Variants in TMEM123 observed in about 807,000 individuals in gnomAD.
TMEM123 encodes the protein transmembrane protein 123.
Under a neutral mutation model 19.7 loss-of-function variants are expected in TMEM123, and 16 were observed. The observed-to-expected ratio is 0.81, with a 90% CI of 0.55 to 1.23. The LOEUF (loss-of-function observed/expected upper bound fraction) is 1.23, where lower values mean the gene tolerates loss of function less well. Ranked by LOEUF, TMEM123 falls within the 50% of genes most tolerant of loss-of-function variation. The probability of loss-of-function intolerance (pLI) is 0.00; values close to 1 mark genes in which losing one functional copy is unlikely to be tolerated. For missense variants in TMEM123, 313 were observed against 257.8 expected, an observed-to-expected ratio of 1.21 and a Z score of -1.47; for synonymous variants, 118 against 99.4, an observed-to-expected ratio of 1.19 and a Z score of -1.12.
chr11:102,438,831 T>C (rs535214962), intron 2 of TMEM123, among the ~76,000 whole-genome samples: 7 of 152,174 alleles, frequency 4.6e-5, no homozygotes, highest in Non-Finnish European at 8.8e-5. Context: ...GGAATCCCCT[T>C]TCCTAGCAAA....
At chr11:102,410,819 G>A (rs1434319142) in intron 2 of TMEM123, among the ~76,000 whole-genome samples, 2 of 152,058 alleles carry the variant, frequency 1.3e-5, no homozygotes. Flanking sequence ...GGACAAGAAG[G>A]AAACAACACA....
Position 102,439,552 on chromosome 11 carries a change from T to C in TMEM123, c.157+9260A>G, listed in dbSNP as rs371536445. On this transcript the variant is annotated intron_variant, in intron 2 of 4. Transcript: ENST00000398136. ...CCAAAACCCCATCTGTACGTCACCA[T>C]CATCAAAGACCAAAGGTAGATAAAA... Among the ~76,000 whole-genome samples, 184 of 152,234 alleles carry C rather than the reference T, an allele frequency of 1.2e-3. 1 individual carries two copies. Among genetic ancestry groups the C allele is most frequent in the African/African-American group, 4.1e-3 (172 of 41,536 alleles).
intron 1 of TMEM123, 95 bp downstream of exon 1, chr11:102,452,429 C>G (rs2436036): frequency 5.5e-6 from 6 of 1,099,164 alleles, no homozygotes; most frequent in Admixed American, 7.0e-5. Context: ...CAGACACACG[C>G]GGAACTTTCT....
intron 2 of TMEM123, among the ~76,000 whole-genome samples, chr11:102,433,102 A>G (rs959076357): frequency 2.0e-5 from 3 of 151,998 alleles, no homozygotes; most frequent in Admixed American, 6.6e-5. Flanking sequence ...GCCCTCACAC[A>G]GGGTCCCCAC....
rs1218798643 is a variant in TMEM123, at chr11:102,452,703, G to A, written c.-80C>T. The A allele has an allele frequency of 6.1e-6, 7 of 1,155,272 alleles. No homozygotes were observed. Among genetic ancestry groups the A allele is most frequent in the East Asian group, 3.2e-5 (1 of 31,356 alleles). The allele number at this position is 1,155,272 out of a possible 1,614,324, so 71.6% of individuals were successfully genotyped here. A position where few individuals can be genotyped will look rare whatever the true frequency, so the allele number is the denominator to read the frequency against. On this transcript the variant is annotated 5_prime_UTR_variant, in exon 1 of 5. Coordinates refer to ENST00000398136, the MANE Select transcript of TMEM123 (RefSeq NM_052932.3). ...GCGAGAGCGGCTCCTCTGCGCAGCC[G>A]GCGCCGGCTCCGCTTCCCCTTCGGC...
intron 2 of TMEM123, among the ~76,000 whole-genome samples, chr11:102,443,993 G>A (rs942980998): frequency 2.0e-5 from 3 of 152,124 alleles, no homozygotes; most frequent in Admixed American, 6.5e-5. Flanking sequence ...AAACCACAAC[G>A]AGATACCATC....
At chr11:102,426,123 A>G (rs1442794088) in intron 2 of TMEM123, among the ~76,000 whole-genome samples, 3 of 152,234 alleles carry the variant, frequency 2.0e-5, no homozygotes. Flanking sequence ...CTATAATGAA[A>G]TATCAGTCTT....
At chr11:102,436,516 T>G (rs1257892728) in intron 2 of TMEM123, among the ~76,000 whole-genome samples, 1 of 151,942 alleles carries the variant, frequency 6.6e-6, no homozygotes, top group Non-Finnish European at 1.5e-5. Flanking sequence ...GACTGGTGCA[T>G]GAATTACTTC....
intron 2 of TMEM123, among the ~76,000 whole-genome samples, chr11:102,409,302 A>G (rs1430367253): frequency 6.6e-6 from 1 of 152,184 alleles, no homozygotes; most frequent in Non-Finnish European, 1.5e-5. Flanking sequence ...CTGCAGCTTG[A>G]GTAAATTTAA....
intron 2 of TMEM123, among the ~76,000 whole-genome samples, chr11:102,444,509 C>A (rs1591568010): frequency 6.9e-6 from 1 of 145,522 alleles, no homozygotes; most frequent in Non-Finnish European, 1.5e-5. Context: ...CACTTGAACA[C>A]AGGGTGGGGA....
intron 2 of TMEM123, among the ~76,000 whole-genome samples, chr11:102,423,055 T>A (rs1464638061): frequency 6.6e-6 from 1 of 152,190 alleles, no homozygotes; most frequent in African/African-American, 2.4e-5. Context: ...AAATCCTAGC[T>A]CAAGCTGCTA....
intron 1 of TMEM123, 21 bp downstream of exon 1, chr11:102,452,503 A>G (rs1182576170): frequency 6.7e-7 from 1 of 1,496,182 alleles, no homozygotes. Flanking sequence ...AACGGGGCTG[A>G]CGACCCCCGC....
At chr11:102,410,775 G>A (rs569294118) in intron 2 of TMEM123, among the ~76,000 whole-genome samples, 137 of 152,146 alleles carry the variant, frequency 9.0e-4, no homozygotes, top group Admixed American at 3.5e-3. Context: ...CAGAAGAGAC[G>A]TGATCCTTAT....
chr11:102,449,658 T>G (rs931408231), intron 1 of TMEM123, among the ~76,000 whole-genome samples: 2 of 152,234 alleles, frequency 1.3e-5, no homozygotes, highest in Admixed American at 6.5e-5. Flanking sequence ...TTGATGGGAC[T>G]ATCATCTATT....
chr11:102,401,813 C>T (rs1367530683), intron 3 of TMEM123, 103 bp downstream of exon 3: 25 of 1,494,488 alleles, frequency 1.7e-5, no homozygotes, highest in Non-Finnish European at 2.2e-5. Flanking sequence ...GAAATCTAGG[C>T]ATATAAAGTT....
In TMEM123 at chr11:102,398,779, A is replaced by C. The variant is rs964533387; in HGVS notation, c.*88T>G. On this transcript the variant is annotated 3_prime_UTR_variant, in exon 5 of 5. Coordinates refer to ENST00000398136, the MANE Select transcript of TMEM123 (RefSeq NM_052932.3). Reference sequence around the variant, plus strand: ...TGGCCTGTTTATACTATTTTCAAAAAGAGAATATTGTTTTAAACTATTAAT... The same window carrying C: ...TGGCCTGTTTATACTATTTTCAAAACGAGAATATTGTTTTAAACTATTAAT... The C allele has an allele frequency of 1.3e-5, 17 of 1,347,256 alleles. No homozygotes were observed. Among genetic ancestry groups the C allele is most frequent in the Non-Finnish European group, 1.7e-5 (16 of 953,980 alleles). The allele number at this position is 1,347,256 out of a possible 1,614,324, so 83.5% of individuals were successfully genotyped here.
At position 102,426,868 on chromosome 11, in the gene TMEM123, C is replaced by A. The variant is rs1032538537; in HGVS notation, c.157+21944G>T. ...ATGTTTTTAAAGTAGTTCCCCCCCC[C>A]CCCCCATTTATTGCTCAAAATCCAC... On this transcript the variant is annotated intron_variant, in intron 2 of 4. Coordinates refer to ENST00000398136, the MANE Select transcript of TMEM123 (RefSeq NM_052932.3). Among the ~76,000 whole-genome samples, 2 of 80,600 alleles carry A rather than the reference C, an allele frequency of 2.5e-5. 1 individual carries two copies. Among genetic ancestry groups the A allele is most frequent in the African/African-American group, 9.2e-5 (2 of 21,674 alleles). The allele number at this position is 80,600 out of a possible 152,430, so 52.9% of individuals were successfully genotyped here. A position where few individuals can be genotyped will look rare whatever the true frequency, so the allele number is the denominator to read the frequency against.
intron 2 of TMEM123, among the ~76,000 whole-genome samples, chr11:102,413,430 A>G (rs1321887096): frequency 6.6e-6 from 1 of 152,298 alleles, no homozygotes; most frequent in East Asian, 1.9e-4. Flanking sequence ...GCACATACAC[A>G]TGGACCCTGC....
intron 2 of TMEM123, among the ~76,000 whole-genome samples, chr11:102,440,017 C>T (rs1197504208): frequency 2.6e-5 from 4 of 152,048 alleles, no homozygotes; most frequent in African/African-American, 4.8e-5. Context: ...TAAAAAGAAA[C>T]GAACAAAGCC....
Sources: allele counts gnomAD v4.1 joint callset (sites outside exome capture counted in the v4.1 genomes callset), GRCh38; gene constraint gnomAD v4.1.1; transcripts MANE v1.5; gene names NCBI Gene and HGNC (gene_info 2026-07-23, HGNC 2026-07-21).